The following PCDHA1 variants were observed in gnomAD, a reference collection of about 807,000 sequenced individuals.
PCDHA1 encodes protocadherin alpha-1.
Under a neutral mutation model 61.3 loss-of-function variants are expected in PCDHA1, and 42 were observed. The observed-to-expected ratio is 0.69, with a 90% CI of 0.54 to 0.89. The LOEUF is 0.89. Ranked by LOEUF, PCDHA1 falls within the 40% of genes least tolerant of loss-of-function variation. The pLI, the probability that PCDHA1 is intolerant of heterozygous loss-of-function variation, is 0.00. For missense variants in PCDHA1, 1,256 were observed against 1,235.3 expected (o/e 1.02, Z -0.25); for synonymous variants, 610 against 553.8 (o/e 1.10, Z -1.43).
Position 141,010,550 on chromosome 5 carries a change from ACC to A in PCDHA1, c.*617_*618del. 3.2e-6 allele frequency: 1 copy of A among 316,712 alleles called. No individual in the cohort carries two copies. The highest frequency in any genetic ancestry group is 5.8e-6 in the Non-Finnish European group (1 of 172,196). The allele number at this position is 316,712 out of a possible 1,614,324, so 19.6% of individuals were successfully genotyped here. ...CAGCCACCCTCTAGGAGACAAAACT[ACC>A]CCCACTGACAAGGCTTTAGGAGACC... On this transcript the variant is annotated 3_prime_UTR_variant, in exon 4 of 4. Transcript: ENST00000504120.
At chr5:140,829,843 A>T in intron 1 of PCDHA1, 1 of 1,613,926 alleles carries the variant, frequency 6.2e-7, no homozygotes, top group Non-Finnish European at 8.5e-7. Flanking sequence ...TGCCGCGGTC[A>T]CTGGGTGCAG....
Position 140,881,600 on chromosome 5 carries a change from A to G in PCDHA1, c.2394+92916A>G, listed in dbSNP as rs193128939. On this transcript the variant is annotated intron_variant, in intron 1 of 3. Coordinates refer to ENST00000504120, the MANE Select transcript of PCDHA1 (RefSeq NM_018900.4). ...GTCACATTGAGGGAAATTTATTAAT[A>G]TGATGTGCTTATTCAAAATCTGATA... 3.1e-3 allele frequency among the ~76,000 whole-genome samples: 469 copies of G among 152,338 alleles called. 3 individuals are homozygous for G. Among genetic ancestry groups the G allele is most frequent in the Middle Eastern group, 0.014 (4 of 294 alleles).
chr5:140,870,167 C>G, intron 1 of PCDHA1: 1 of 1,614,134 alleles, frequency 6.2e-7, no homozygotes, highest in Non-Finnish European at 8.5e-7. Flanking sequence ...ACTTCCTTGT[C>G]CCTCCCAGTA....
chr5:140,850,213 C>G (rs2041430498), intron 1 of PCDHA1: 1 of 1,593,510 alleles, frequency 6.3e-7, no homozygotes, highest in Admixed American at 1.7e-5. Flanking sequence ...ATGAGGGGCA[C>G]TGACGGCGCA....
intron 1 of PCDHA1, chr5:140,829,891 C>A (rs1554132360): frequency 6.2e-7 from 1 of 1,613,952 alleles, no homozygotes; most frequent in Non-Finnish European, 8.5e-7. Context: ...TTGACGCCGA[C>A]TCAGGCTACA....
intron 1 of PCDHA1, among the ~76,000 whole-genome samples, chr5:140,924,027 G>T (rs1458552046): frequency 1.3e-5 from 2 of 152,194 alleles, no homozygotes; most frequent in Non-Finnish European, 2.9e-5. Context: ...TTGGAGGCAT[G>T]GCTGCAGACC....
chr5:140,914,073 C>T (rs1314205032), intron 1 of PCDHA1, among the ~76,000 whole-genome samples: 2 of 152,120 alleles, frequency 1.3e-5, no homozygotes, highest in Non-Finnish European at 2.9e-5. Flanking sequence ...TGCTCCATAA[C>T]TATCTATTAG....
chr5:140,852,582 A>AT (rs2150518947), intron 1 of PCDHA1: 69,093 of 668,182 alleles, frequency 0.1, 1,214 homozygotes, highest in Non-Finnish European at 0.11. Flanking sequence ...AGGCTTTTTT[A>AT]TTTTTTTTTT....
chr5:140,933,715 G>C (rs1292658358), intron 1 of PCDHA1, among the ~76,000 whole-genome samples: 1 of 151,902 alleles, frequency 6.6e-6, no homozygotes, highest in Non-Finnish European at 1.5e-5. Flanking sequence ...ACTGAGATTG[G>C]TGATACAGCT....
chr5:140,786,580 A>C lies in PCDHA1; in HGVS notation c.290A>C (p.Gln97Pro), dbSNP rs1368866587. 6.2e-7 allele frequency: 1 copy of C among 1,614,132 alleles called. No individual in the cohort carries two copies. The highest frequency in any genetic ancestry group is 2.2e-5 in the East Asian group (1 of 44,900). ...NSRIDREELC[Q>P]WSAECSIHLE... ...CGGATCGATCGCGAGGAGCTGTGCC[A>C]GTGGAGCGCGGAGTGCAGCATCCAC... The change falls in exon 1 of 4, where the codon CAG (glutamine) becomes CCG (proline). Residue 97 changes from glutamine (Q) to proline (P), a missense_variant. By Grantham distance (76) the Gln-to-Pro change is moderately conservative (BLOSUM62 -1). Transcript: ENST00000504120.
intron 1 of PCDHA1, among the ~76,000 whole-genome samples, chr5:140,931,584 AAC>A (rs1355868674): frequency 1.3e-5 from 2 of 152,054 alleles, no homozygotes; most frequent in Admixed American, 1.3e-4. Flanking sequence ...CATTCAGTTG[AAC>A]AGTCTTTTTC....
Position 140,968,423 on chromosome 5 carries a change from G to A in PCDHA1, c.2395-10526G>A, listed in dbSNP as rs782235507. The A allele has an allele frequency of 1.9e-6, 3 of 1,614,028 alleles. No homozygotes were observed. The South Asian group carries it at 3.3e-5, about 18-fold the overall frequency. On this transcript the variant is annotated intron_variant, in intron 1 of 3. Transcript: ENST00000504120. ...GTTCTTTGTGACTGTGGAGGCTCAG[G>A]ACAAGGGGAGCCCACCACTGAGCAG...
intron 1 of PCDHA1, among the ~76,000 whole-genome samples, chr5:140,839,867 G>C (rs996407179): frequency 6.6e-6 from 1 of 151,988 alleles, no homozygotes; most frequent in African/African-American, 2.4e-5. Flanking sequence ...GGTGGACTTT[G>C]AAAGATGAAT....
chr5:140,932,700 AT>A (rs2088549755), intron 1 of PCDHA1, among the ~76,000 whole-genome samples: 1 of 151,992 alleles, frequency 6.6e-6, no homozygotes, highest in Non-Finnish European at 1.5e-5. Context: ...AAAAACTCAT[AT>A]AGACAACACA....
chr5:140,887,955 CTTTT>C (rs2061644555), intron 1 of PCDHA1, among the ~76,000 whole-genome samples: 2 of 152,088 alleles, frequency 1.3e-5, no homozygotes, highest in African/African-American at 4.8e-5. Flanking sequence ...GTATAAGATT[CTTTT>C]TGTCTCTTTT....
intron 1 of PCDHA1, chr5:140,809,014 CG>C (rs1554124944): frequency 6.2e-7 from 1 of 1,613,716 alleles, no homozygotes; most frequent in South Asian, 1.1e-5. Context: ...GGCTTTCGTA[CG>C]AGCTGCAGCC....
At chr5:140,837,121 A>G (rs2150273262) in intron 1 of PCDHA1, 1 of 156,722 alleles carries the variant, frequency 6.4e-6, no homozygotes, top group East Asian at 1.9e-4. Context: ...GTTACCTAAT[A>G]TTTTATTCTA....
intron 1 of PCDHA1, chr5:140,927,104 C>T (rs1554204027): frequency 6.2e-7 from 1 of 1,613,722 alleles, no homozygotes; most frequent in Admixed American, 1.7e-5. Flanking sequence ...GTGGATCTAC[C>T]CAGCGGCAAT....
chr5:140,817,485 T>C (rs1211625113), intron 1 of PCDHA1: 1 of 152,254 alleles, frequency 6.6e-6, no homozygotes, highest in Non-Finnish European at 1.5e-5. Context: ...GTTATCTTTT[T>C]AAGCTATATA....
Sources: allele counts gnomAD v4.1 joint callset (sites outside exome capture counted in the v4.1 genomes callset), GRCh38; gene constraint gnomAD v4.1.1; transcripts MANE v1.5; gene names NCBI Gene and HGNC (gene_info 2026-07-23, HGNC 2026-07-21).